The following EIF4G3 variants were observed in gnomAD, a reference collection of about 807,000 sequenced individuals.
The protein encoded by EIF4G3 is eIF-4-gamma 3.
A neutral mutation model predicts 186.4 loss-of-function variants in EIF4G3; 34 were observed. The observed-to-expected ratio is 0.18, with a 90% CI of 0.14 to 0.24. The LOEUF (loss-of-function observed/expected upper bound fraction) is 0.24. Among genes scored for constraint, EIF4G3 ranks in the 10% least tolerant of loss-of-function variants. The probability of loss-of-function intolerance (pLI) is 1.00; values close to 1 mark genes in which losing one functional copy is unlikely to be tolerated. For synonymous variants in EIF4G3, 673 were observed against 679.5 expected, an observed-to-expected ratio of 0.99 and a Z score of 0.15; for missense variants, 1,536 against 1,948.5, an observed-to-expected ratio of 0.79 and a Z score of 3.99.
chr1:20,844,914 A>G (rs988365640), intron 29 of EIF4G3, among the ~76,000 whole-genome samples: 5 of 152,146 alleles, frequency 3.3e-5, no homozygotes, highest in Admixed American at 2.6e-4. Context: ...CTATTCTGTA[A>G]GTTGTCTGTT....
chr1:20,837,950 C>T (rs530872977), intron 30 of EIF4G3, among the ~76,000 whole-genome samples: 1 of 152,094 alleles, frequency 6.6e-6, no homozygotes, highest in Non-Finnish European at 1.5e-5. Flanking sequence ...GTCTAAGCAT[C>T]GAAGGTTAGG....
Position 21,051,462 on chromosome 1 carries a change from C to A in EIF4G3, c.-195-468G>T, listed in dbSNP as rs182198128. On this transcript the variant is annotated intron_variant, in intron 3 of 36. Transcript: ENST00000602326. ...TTGTCAAGACTTATGGACGTATACACTAAAAAGGGTGAATTTTACTAAATT... is the reference window on the plus strand; with the variant it reads ...TTGTCAAGACTTATGGACGTATACAATAAAAAGGGTGAATTTTACTAAATT... 4.5e-4 allele frequency among the ~76,000 whole-genome samples: 68 copies of A among 152,128 alleles called. 1 individual carries two copies. The highest frequency in any genetic ancestry group is 8.8e-5 in the Non-Finnish European group (6 of 68,010).
intron 2 of EIF4G3, among the ~76,000 whole-genome samples, chr1:21,118,906 C>T (rs1209683238): frequency 8.5e-6 from 1 of 117,988 alleles, no homozygotes; most frequent in Non-Finnish European, 1.6e-5. Flanking sequence ...CCAGCCTAGG[C>T]AACATACTGA....
chr1:20,847,943 A>G, intron 29 of EIF4G3: 1 of 428,082 alleles, frequency 2.3e-6, no homozygotes, highest in South Asian at 1.7e-5. Flanking sequence ...TGATGATTAC[A>G]CTGTTAAGAA....
chr1:20,882,378 G>A (rs980283062), intron 19 of EIF4G3, among the ~76,000 whole-genome samples: 1 of 152,112 alleles, frequency 6.6e-6, no homozygotes, highest in African/African-American at 2.4e-5. Context: ...CCAGCACTTT[G>A]GGAGGCCAAG....
At chr1:21,108,504 A>C (rs1463255343) in intron 2 of EIF4G3, among the ~76,000 whole-genome samples, 2 of 152,156 alleles carry the variant, frequency 1.3e-5, no homozygotes, top group Non-Finnish European at 2.9e-5. Flanking sequence ...GACGCTATTA[A>C]GTTTAGTAAG....
chr1:20,976,082 G>C (rs1019605024), intron 10 of EIF4G3, among the ~76,000 whole-genome samples: 2 of 151,258 alleles, frequency 1.3e-5, no homozygotes, highest in African/African-American at 4.9e-5. Context: ...ATGATGTATT[G>C]CAAAATGAAT....
intron 2 of EIF4G3, among the ~76,000 whole-genome samples, chr1:21,114,709 C>T (rs1473533910): frequency 6.7e-6 from 1 of 149,680 alleles, no homozygotes; most frequent in Non-Finnish European, 1.5e-5. Context: ...AAGGCCAACA[C>T]TTAATAAAAA....
chr1:20,964,657 T>C (rs2154564957), intron 12 of EIF4G3, among the ~76,000 whole-genome samples: 1 of 152,330 alleles, frequency 6.6e-6, no homozygotes, highest in African/African-American at 2.4e-5. Flanking sequence ...CGGCATCCAC[T>C]TTTAGGGCTA....
chr1:20,840,383 C>G (rs1016582449), intron 30 of EIF4G3, among the ~76,000 whole-genome samples: 1 of 152,254 alleles, frequency 6.6e-6, no homozygotes, highest in African/African-American at 2.4e-5. Context: ...CACCAAGTTA[C>G]ATAACCTTCT....
chr1:21,002,935 A>T (rs1161159196), intron 4 of EIF4G3, 127 bp from the exon 5 acceptor site: 3 of 515,480 alleles, frequency 5.8e-6, no homozygotes, highest in Non-Finnish European at 6.9e-6. Flanking sequence ...CTTTTTAAAA[A>T]TTTAACTTTA....
chr1:20,844,557 G>A (rs763448830), intron 29 of EIF4G3, among the ~76,000 whole-genome samples: 45 of 151,870 alleles, frequency 3.0e-4, no homozygotes, highest in Admixed American at 3.9e-4. Context: ...GACCTTTGTC[G>A]GGGGCCGGGC....
In EIF4G3 at chr1:21,054,719, G is replaced by T. The variant is rs79042318; in HGVS notation, c.-195-3725C>A. Among the ~76,000 whole-genome samples, 277 of 152,200 alleles carry T rather than the reference G, an allele frequency of 1.8e-3. 1 individual carries two copies. Among genetic ancestry groups the T allele is most frequent in the African/African-American group, 6.4e-3 (266 of 41,528 alleles). ...GGCCTGGAATTCACTCAGTCAAAAGGTCTGAAGAAAATCTAGTCCCTGGTA... is the reference window on the plus strand; with the variant it reads ...GGCCTGGAATTCACTCAGTCAAAAGTTCTGAAGAAAATCTAGTCCCTGGTA... On this transcript the variant is annotated intron_variant, in intron 3 of 36. Coordinates refer to ENST00000602326, the MANE Select transcript of EIF4G3 (RefSeq NM_001391906.1).
intron 2 of EIF4G3, among the ~76,000 whole-genome samples, chr1:21,119,447 G>A (rs942180627): frequency 3.3e-5 from 5 of 152,022 alleles, no homozygotes; most frequent in African/African-American, 7.2e-5. Context: ...TAATTTTCCC[G>A]GGTCATGATT....
intron 18 of EIF4G3, among the ~76,000 whole-genome samples, chr1:20,889,544 T>C (rs1010634768): frequency 1.3e-5 from 2 of 152,254 alleles, no homozygotes; most frequent in African/African-American, 2.4e-5. Context: ...TCGCCCAGGA[T>C]GGAGTGCAGT....
At chr1:20,929,176 C>T (rs947342940) in intron 14 of EIF4G3, among the ~76,000 whole-genome samples, 2 of 151,998 alleles carry the variant, frequency 1.3e-5, no homozygotes, top group Admixed American at 1.3e-4. Context: ...TATTCATTTT[C>T]CCCCCCATTC....
At position 20,810,767 on chromosome 1, in the gene EIF4G3, G is replaced by A; in HGVS notation, c.4715C>T (p.Ala1572Val). The A allele has an allele frequency of 3.1e-6, 5 of 1,614,092 alleles. No individual in the cohort carries two copies. Among genetic ancestry groups the A allele is most frequent in the Non-Finnish European group, 4.2e-6 (5 of 1,179,964 alleles). Residue 1572 changes from alanine to valine, a missense_variant, in exon 36 of 37, where the codon GCA becomes GTA. Around this residue, in one of 11 missense-constraint regions of EIF4G3, gnomAD observed 45 missense variants for 99.1 expected, o/e 0.45. Coordinates refer to ENST00000602326, the MANE Select transcript of EIF4G3 (RefSeq NM_001391906.1). The surrounding 1 kb of genome is among the most constrained non-coding windows in gnomAD (Gnocchi z 4.1). Reference sequence around the variant, plus strand: ...AGGTTGATCAAGTTTTACTATCGATGCTTGTAGTGCATAAAGTGCTTGCAG... The same window carrying A: ...AGGTTGATCAAGTTTTACTATCGATACTTGTAGTGCATAAAGTGCTTGCAG... The part of the protein sequence containing the change: ...KELQALYALQ[A>V]SIVKLDQPAN...
intron 29 of EIF4G3, among the ~76,000 whole-genome samples, chr1:20,848,552 A>T (rs905640272): frequency 6.6e-6 from 1 of 152,186 alleles, no homozygotes; most frequent in Non-Finnish European, 1.5e-5. Context: ...GAAATGTCTT[A>T]TTCACTACTA....
At chr1:20,896,644 T>A (rs983933581) in intron 16 of EIF4G3, among the ~76,000 whole-genome samples, 1 of 152,186 alleles carries the variant, frequency 6.6e-6, no homozygotes, top group East Asian at 1.9e-4. Context: ...TGTGCCCTAA[T>A]GTTTATAAAA....
Sources: allele counts gnomAD v4.1 joint callset (sites outside exome capture counted in the v4.1 genomes callset), GRCh38; gene constraint gnomAD v4.1.1; regional missense constraint gnomAD v4.1.1; non-coding constraint Gnocchi (gnomAD v3.1); transcripts MANE v1.5; gene names NCBI Gene and HGNC (gene_info 2026-07-23, HGNC 2026-07-21).